The following MRI1 variants were observed in gnomAD, a reference collection of about 807,000 sequenced individuals.
MRI1 encodes methylthioribose-1-phosphate isomerase.
In MRI1, 32 loss-of-function variants were observed where a neutral mutation model predicts 27.3. The observed-to-expected ratio is 1.17, with a 90% confidence interval of 0.88 to 1.57. The LOEUF (loss-of-function observed/expected upper bound fraction) is 1.57, where lower values mean the gene tolerates loss of function less well. MRI1 is among the 40% of genes most tolerant of loss of function. MRI1 has a pLI of 0.00. For missense variants in MRI1, 508 were observed against 516.1 expected (o/e 0.98, Z 0.15); for synonymous variants, 216 against 227.4 (o/e 0.95, Z 0.45).
At position 13,773,415 on chromosome 19, in the gene MRI1, CCA is replaced by C. The variant is rs1974312390; in HGVS notation, c.*1135_*1136del. On this transcript the variant is annotated 3_prime_UTR_variant, in exon 6 of 6. Coordinates refer to ENST00000040663, the MANE Select transcript of MRI1 (RefSeq NM_001031727.4). Reference sequence around the variant, plus strand: ...AGCACTTTGGGAGGATCCCTTGAGCCCAGGTGTTTGAGACCAGTTTGGGTAAC... The same window carrying C: ...AGCACTTTGGGAGGATCCCTTGAGCCGGTGTTTGAGACCAGTTTGGGTAAC... The C allele has an allele frequency of 2.0e-5, 3 of 151,962 alleles. No homozygotes were observed. In the South Asian group the frequency reaches 6.2e-4, roughly 31 times the overall value. The allele number at this position is 151,962 out of a possible 1,614,324, so 9.4% of individuals were successfully genotyped here. A position where few individuals can be genotyped will look rare whatever the true frequency, so the allele number is the denominator to read the frequency against.
chr19:13,769,000 C>G lies in MRI1; in HGVS notation c.901C>G (p.Pro301Ala). The G allele has an allele frequency of 6.2e-7, 1 of 1,613,866 alleles. No individual in the cohort carries two copies. The stretch of plus-strand genomic sequence containing the variant: ...CAAGGAGATCATTATTGAAGAGCGA[C>G]CGGGCCAGGAGCTGACCGATGTTAA... ...TGKEIIIEER[P>A]GQELTDVNGV... The change falls in exon 5 of 6, where the codon CCG (proline) becomes GCG (alanine). Residue 301 changes from proline (P) to alanine (A), a missense_variant. By Grantham distance (27) the Pro-to-Ala change is conservative (BLOSUM62 -1). Coordinates refer to ENST00000040663, the MANE Select transcript of MRI1 (RefSeq NM_001031727.4).
chr19:13,769,908 A>C (rs1974234636), intron 5 of MRI1, among the ~76,000 whole-genome samples: 2 of 151,452 alleles, frequency 1.3e-5, no homozygotes, highest in Non-Finnish European at 2.9e-5. Flanking sequence ...CAACAGAGTG[A>C]GATTCTGTCT....
In MRI1 at chr19:13,768,729, G is replaced by A; in HGVS notation, c.716G>A (p.Gly239Asp). The A allele has an allele frequency of 6.2e-7, 1 of 1,612,982 alleles. No individual in the cohort carries two copies. Among genetic ancestry groups the A allele is most frequent in the South Asian group, 1.1e-5 (1 of 91,038 alleles). Residue 239 changes from glycine (G) to aspartate (D), a missense_variant, in exon 4 of 6, where the codon GGC becomes GAC. Gly to Asp is a moderately conservative substitution (Grantham distance 94). Around this residue, in one of 3 missense-constraint regions of MRI1, gnomAD observed 457 missense variants for 452.8 expected, o/e 1.01. Transcript: ENST00000040663. ...SMVAAAMAHR[G>D]VSAVVVGADR... is the part of the protein sequence containing the mutation. Reference sequence around the variant, plus strand: ...GTGGCTGCTGCCATGGCCCATAGGGGCGTGTCAGGTAAGCAGACGGTAAGC... The same window carrying A: ...GTGGCTGCTGCCATGGCCCATAGGGACGTGTCAGGTAAGCAGACGGTAAGC...
At chr19:13,772,041 G>C in intron 5 of MRI1, 80 bp from the exon 6 acceptor site, 1 of 1,383,218 alleles carries the variant, frequency 7.2e-7, no homozygotes, top group Non-Finnish European at 9.9e-7. Flanking sequence ...GAACCACTGT[G>C]GTAGAAACAG....
chr19:13,768,871 A>G lies in MRI1; in HGVS notation c.772A>G (p.Asn258Asp), dbSNP rs1419770696. The G allele has an allele frequency of 1.2e-6, 2 of 1,612,980 alleles. No homozygotes were observed. The highest frequency in any genetic ancestry group is 4.5e-5 in the East Asian group (2 of 44,844). The change falls in exon 5 of 6, where the codon AAC (asparagine) becomes GAC (aspartate). Residue 258 changes from asparagine (N) to aspartate (D), a missense_variant. Physicochemically the swap from Asn to Asp is conservative, Grantham distance 23. This residue lies in a region of MRI1 where 457 missense variants were observed against 452.8 expected (regional missense o/e 1.01). Transcript: ENST00000040663. ...DRVVANGDTANKVGTYQLAIV... is the reference protein window; with the variant it reads ...DRVVANGDTADKVGTYQLAIV... ...CGTGGTTGCCAACGGCGACACAGCC[A>G]ACAAGGTGGGCACCTACCAGCTGGC...
At chr19:13,765,919 TG>T in intron 2 of MRI1, 34 bp from the exon 3 acceptor site, 7 of 1,554,090 alleles carry the variant, frequency 4.5e-6, no homozygotes, top group Non-Finnish European at 6.1e-6. Context: ...CCCCGGGTCC[TG>T]GTGGCTGGTG....
chr19:13,766,879 A>C lies in MRI1; in HGVS notation c.547+750A>C, dbSNP rs115162061. 9.7e-3 allele frequency among the ~76,000 whole-genome samples: 1,476 copies of C among 151,578 alleles called. 21 individuals carry two copies. Among genetic ancestry groups the C allele is most frequent in the African/African-American group, 0.034 (1,406 of 41,344 alleles). ...GCAGAAGGAACAGTCAACAGGCAAA[A>C]TAAGTACAGTCATCCTTCAATATCT... On this transcript the variant is annotated intron_variant, in intron 3 of 5. Coordinates refer to ENST00000040663, the MANE Select transcript of MRI1 (RefSeq NM_001031727.4).
intron 3 of MRI1, 116 bp downstream of exon 3, chr19:13,766,245 T>A: frequency 2.0e-6 from 2 of 975,850 alleles, no homozygotes; most frequent in Non-Finnish European, 2.9e-6. Context: ...AAGGTACTAG[T>A]TCTAGTACGG....
chr19:13,769,776 C>T (rs1276737436), intron 5 of MRI1, among the ~76,000 whole-genome samples: 1 of 151,550 alleles, frequency 6.6e-6, no homozygotes, highest in African/African-American at 2.4e-5. Context: ...AAAAATTAGC[C>T]GGACATGGTG....
Position 13,764,896 on chromosome 19 carries a change from T to G in MRI1, c.158T>G (p.Leu53Arg). ...GTGCGGGGCGCCCCGGCCATAGCCC[T>G]GGTGGGCTGTCTCAGCCTCGCCGTG... ...MKVRGAPAIA[L>R]VGCLSLAVEL... Residue 53 changes from leucine to arginine, a missense_variant, in exon 2 of 6, where the codon CTG (leucine) becomes CGG (arginine). Physicochemically the swap from Leu to Arg is moderately radical, Grantham distance 102 (BLOSUM62 -2). This residue lies in a region of MRI1 where 457 missense variants were observed against 452.8 expected (regional missense o/e 1.01). Coordinates refer to ENST00000040663, the MANE Select transcript of MRI1 (RefSeq NM_001031727.4). 1 of 1,445,266 alleles carries G rather than the reference T, an allele frequency of 6.9e-7. No individual in the cohort carries two copies. Among genetic ancestry groups the G allele is most frequent in the Non-Finnish European group, 9.1e-7 (1 of 1,103,512 alleles). 89.5% of individuals were successfully genotyped at this position (1,445,266 alleles called of 1,614,324 possible).
intron 2 of MRI1, 34 bp from the exon 3 acceptor site, chr19:13,765,920 G>A (rs779518722): frequency 3.1e-5 from 48 of 1,554,686 alleles, no homozygotes; most frequent in Non-Finnish European, 3.8e-5. Context: ...CCCGGGTCCT[G>A]GTGGCTGGTG....
At chr19:13,769,453 A>G (rs1000226332) in intron 5 of MRI1, among the ~76,000 whole-genome samples, 2 of 151,878 alleles carry the variant, frequency 1.3e-5, no homozygotes, top group Admixed American at 1.3e-4. Flanking sequence ...TGTGAGCCAC[A>G]GCACGCCTGG....
At position 13,764,630 on chromosome 19, in the gene MRI1, G is replaced by T. The variant is rs375963533; in HGVS notation, c.42G>T (p.Gln14His). The change falls in exon 1 of 6, where the codon CAG (glutamine) becomes CAT (histidine). Residue 14 changes from glutamine (Q) to histidine (H), a missense_variant. Gln to His is a conservative substitution (Grantham distance 24, BLOSUM62 0). Transcript: ENST00000040663. The stretch of plus-strand genomic sequence containing the variant: ...TCCGCTACTCGCGGGGCTCCCTGCA[G>T]ATCCTAGACCAGCTGCTGCTGCCCA... ...EAIRYSRGSL[Q>H]ILDQLLLPKQ... 6.2e-7 allele frequency: 1 copy of T among 1,609,332 alleles called. No individual in the cohort carries two copies. Among genetic ancestry groups the T allele is most frequent in the Admixed American group, 1.7e-5 (1 of 59,982 alleles).
At position 13,772,102 on chromosome 19, in the gene MRI1, T is replaced by C; in HGVS notation, c.950-19T>C. ...AGAAGCAAATTCTTGCCTCCTTGCC[T>C]CCCCTCTCTCCCCTGCAGGGATTGG... On this transcript the variant is annotated intron_variant, in intron 5 of 5. Coordinates refer to ENST00000040663, the MANE Select transcript of MRI1 (RefSeq NM_001031727.4). The C allele has an allele frequency of 6.3e-7, 1 of 1,581,238 alleles. No homozygotes were observed. The highest frequency in any genetic ancestry group is 8.6e-7 in the Non-Finnish European group (1 of 1,163,440).
chr19:13,767,041 T>A (rs56036074), intron 3 of MRI1, among the ~76,000 whole-genome samples: 107 of 31,704 alleles, frequency 3.4e-3, no homozygotes, highest in African/African-American at 4.0e-3. Flanking sequence ...ATATATATTT[T>A]TTTTTTTTTT....
chr19:13,773,631 T>TA lies in MRI1; in HGVS notation c.*1365dup, dbSNP rs59239281. 1,977 of 79,148 alleles carry TA rather than the reference T, an allele frequency of 0.025. 19 individuals are homozygous for TA. Among genetic ancestry groups the TA allele is most frequent in the South Asian group, 0.062 (99 of 1,606 alleles). The allele number at this position is 79,148 out of a possible 1,614,324, so 4.9% of individuals were successfully genotyped here. A position where few individuals can be genotyped will look rare whatever the true frequency, so the allele number is the denominator to read the frequency against. On this transcript the variant is annotated 3_prime_UTR_variant, in exon 6 of 6. Transcript: ENST00000040663. ...GCAACAGAGTGAGACCCCATCTCTT[T>TA]AAAAAAAAAAAAAAATCCATGATGA...
At position 13,773,717 on chromosome 19, in the gene MRI1, G is replaced by T. The variant is rs563377140; in HGVS notation, c.*1436G>T. ...CTGTCGCCCAGGCTGGAGTACAGTG[G>T]TGCCATCTCAGCTCACTGCAACCTC... On this transcript the variant is annotated 3_prime_UTR_variant, in exon 6 of 6. Transcript: ENST00000040663. 18 of 152,374 alleles carry T rather than the reference G, an allele frequency of 1.2e-4. No homozygotes were observed. The highest frequency in any genetic ancestry group is 4.3e-4 in the African/African-American group (18 of 41,540). 9.4% of individuals were successfully genotyped at this position (152,374 alleles called of 1,614,324 possible).
chr19:13,768,549 G>T lies in MRI1; in HGVS notation c.548-12G>T. 3.1e-6 allele frequency: 5 copies of T among 1,598,390 alleles called. No homozygotes were observed. In the South Asian group the frequency reaches 4.5e-5, roughly 14 times the overall value. On this transcript the variant is annotated splice_polypyrimidine_tract_variant and intron_variant, in intron 3 of 5. Coordinates refer to ENST00000040663, the MANE Select transcript of MRI1 (RefSeq NM_001031727.4). ...CCCCGGGGCCTTCTCCTGGTGGGTG[G>T]GGCCCCCGCAGGTGTGATTCGCTCA...
chr19:13,772,153 AC>A lies in MRI1; in HGVS notation c.988del (p.His330ThrfsTer24), dbSNP rs751646149. On this transcript the variant is annotated frameshift_variant, in exon 6 of 6. Coordinates refer to ENST00000040663, the MANE Select transcript of MRI1 (RefSeq NM_001031727.4). LOFTEE classifies it high-confidence loss of function. ...IGVWNPAFDV[T>X]PHDLITGGII... Reference sequence around the variant, plus strand: ...AGTTTGGAATCCTGCCTTCGATGTCACCCCCCACGACCTCATCACTGGTGGC... The same window carrying A: ...AGTTTGGAATCCTGCCTTCGATGTCACCCCCACGACCTCATCACTGGTGGC... The A allele has an allele frequency of 3.1e-6, 5 of 1,612,122 alleles. No individual in the cohort carries two copies. Among genetic ancestry groups the A allele is most frequent in the East Asian group, 2.2e-5 (1 of 44,730 alleles).
Sources: allele counts gnomAD v4.1 joint callset (sites outside exome capture counted in the v4.1 genomes callset), GRCh38; gene constraint gnomAD v4.1.1; regional missense constraint gnomAD v4.1.1; transcripts MANE v1.5; gene names NCBI Gene and HGNC (gene_info 2026-07-23, HGNC 2026-07-21).